The following SYT1 variants were observed in gnomAD, a reference collection of about 807,000 sequenced individuals.
SYT1 encodes synaptotagmin-1.
A neutral mutation model predicts 44.8 loss-of-function variants in SYT1; 8 were observed. The observed-to-expected ratio is 0.18, with a 90% CI of 0.10 to 0.32. The LOEUF is 0.32. Ranked by LOEUF, SYT1 falls within the 10% of genes least tolerant of loss-of-function variation. SYT1 has a pLI of 1.00. For synonymous variants in SYT1, 154 were observed against 188.8 expected (o/e 0.82, Z 1.51); for missense variants, 286 against 509.3 (o/e 0.56, Z 4.22).
At chr12:79,022,465 A>G (rs1458982454) in intron 2 of SYT1, among the ~76,000 whole-genome samples, 2 of 151,840 alleles carry the variant, frequency 1.3e-5, no homozygotes, top group African/African-American at 4.8e-5. Context: ...TAACAATTGT[A>G]CACTGGAGTT....
chr12:79,322,327 C>T (rs1881402406), intron 8 of SYT1, among the ~76,000 whole-genome samples: 1 of 152,048 alleles, frequency 6.6e-6, no homozygotes, highest in African/African-American at 2.4e-5. Context: ...TGCCGCTGGC[C>T]TCATCTTCTG....
At chr12:79,194,631 G>A (rs919497786) in intron 3 of SYT1, among the ~76,000 whole-genome samples, 2 of 151,900 alleles carry the variant, frequency 1.3e-5, no homozygotes, top group Non-Finnish European at 2.9e-5. Context: ...TGGTCCAGGG[G>A]ACCCACTTTG....
intron 3 of SYT1, among the ~76,000 whole-genome samples, chr12:79,056,502 G>A (rs1202666133): frequency 6.6e-6 from 1 of 152,028 alleles, no homozygotes; most frequent in African/African-American, 2.4e-5. Context: ...GAATCAGTAT[G>A]CATCACGATG....
At chr12:78,912,640 G>T (rs565386418) in intron 1 of SYT1, among the ~76,000 whole-genome samples, 20 of 152,006 alleles carry the variant, frequency 1.3e-4, no homozygotes, top group Non-Finnish European at 2.2e-4. Context: ...CAAAGGTAAA[G>T]GCAGTGAATT....
At chr12:79,030,340 T>G (rs1872755685) in intron 2 of SYT1, among the ~76,000 whole-genome samples, 1 of 150,924 alleles carries the variant, frequency 6.6e-6, no homozygotes, top group African/African-American at 2.4e-5. Flanking sequence ...CATACTTACC[T>G]TATTCTCCTG....
chr12:78,905,369 A>G (rs1169346429), intron 1 of SYT1, among the ~76,000 whole-genome samples: 1 of 152,084 alleles, frequency 6.6e-6, no homozygotes, highest in Non-Finnish European at 1.5e-5. Flanking sequence ...CACCAATTTC[A>G]TGGAGAATTG....
chr12:79,177,337 G>T (rs1398867534), intron 3 of SYT1, among the ~76,000 whole-genome samples: 1 of 24,192 alleles, frequency 4.1e-5, no homozygotes, highest in Non-Finnish European at 7.8e-5. Flanking sequence ...GAGAATGATG[G>T]TTTCCAATTT....
intron 3 of SYT1, among the ~76,000 whole-genome samples, chr12:79,056,158 G>T (rs971772780): frequency 1.3e-5 from 2 of 151,968 alleles, no homozygotes; most frequent in African/African-American, 4.8e-5. Context: ...ATTGCCTAAT[G>T]ATGCATTTCT....
chr12:79,337,021 T>C (rs1047651263), intron 8 of SYT1, among the ~76,000 whole-genome samples: 4 of 152,086 alleles, frequency 2.6e-5, no homozygotes, highest in African/African-American at 9.7e-5. Context: ...ATCTTCTGTG[T>C]GACTTGCCTT....
chr12:79,082,471 T>G (rs906946105), intron 3 of SYT1, among the ~76,000 whole-genome samples: 38 of 152,320 alleles, frequency 2.5e-4, no homozygotes, highest in African/African-American at 8.9e-4. Flanking sequence ...TGAACAGACA[T>G]GATCCCTATC....
At chr12:79,013,245 G>T (rs1310923533) in intron 2 of SYT1, among the ~76,000 whole-genome samples, 2 of 152,106 alleles carry the variant, frequency 1.3e-5, no homozygotes, top group Non-Finnish European at 2.9e-5. Flanking sequence ...GTGTGTGTGT[G>T]TGTGTTTACC....
chr12:79,414,593 A>G (rs1868621479), intron 9 of SYT1, among the ~76,000 whole-genome samples: 1 of 152,164 alleles, frequency 6.6e-6, no homozygotes, highest in African/African-American at 2.4e-5. Context: ...ATTCCTTATC[A>G]GTAGATCTAC....
At chr12:79,219,706 C>G (rs4445701) in intron 4 of SYT1, among the ~76,000 whole-genome samples, 106,787 of 151,806 alleles carry the variant, frequency 0.7, 38,004 homozygotes, top group African/African-American at 0.77. Context: ...GTCTATGTGT[C>G]TGTTTTTATG....
At chr12:79,318,700 A>G (rs957964001) in intron 8 of SYT1, among the ~76,000 whole-genome samples, 1 of 152,230 alleles carries the variant, frequency 6.6e-6, no homozygotes, top group Non-Finnish European at 1.5e-5. Flanking sequence ...TTCTACATGA[A>G]TAAATCAATA....
chr12:79,162,951 A>G (rs186476256), intron 3 of SYT1, among the ~76,000 whole-genome samples: 6 of 152,242 alleles, frequency 3.9e-5, no homozygotes, highest in Admixed American at 3.9e-4. Context: ...CTGTGCACAG[A>G]TACAATGAAT....
At chr12:79,024,580 C>T (rs906814652) in intron 2 of SYT1, among the ~76,000 whole-genome samples, 1 of 151,736 alleles carries the variant, frequency 6.6e-6, no homozygotes, top group African/African-American at 2.4e-5. Flanking sequence ...ATTCAACAAA[C>T]ACTTACAGAT....
chr12:78,966,076 C>CAAA (rs1355976130), intron 1 of SYT1, among the ~76,000 whole-genome samples: 1 of 80,502 alleles, frequency 1.2e-5, no homozygotes. Flanking sequence ...GACTCTGTCT[C>CAAA]AAAAAAAAAA....
intron 1 of SYT1, among the ~76,000 whole-genome samples, chr12:78,943,066 A>G: frequency 6.6e-6 from 1 of 152,190 alleles, no homozygotes; most frequent in Non-Finnish European, 1.5e-5. Flanking sequence ...TCATTGACTA[A>G]GAAGAAGATA....
chr12:79,210,604 T>G (rs1874381478), intron 3 of SYT1, among the ~76,000 whole-genome samples: 2 of 152,252 alleles, frequency 1.3e-5, no homozygotes, highest in Admixed American at 1.3e-4. Flanking sequence ...CTGAGTAGTA[T>G]TCCATTGCAT....
Sources: gnomAD v4.1 joint callset for allele counts (sites outside exome capture counted in the v4.1 genomes callset) on GRCh38, gnomAD v4.1.1 for gene constraint, MANE v1.5 for transcripts, NCBI Gene and HGNC (gene_info 2026-07-23, HGNC 2026-07-21) for gene names.